Variants in KDM4C observed in about 807,000 individuals in gnomAD.
KDM4C encodes lysine-specific demethylase 4C.
Under a neutral mutation model 129.3 loss-of-function variants are expected in KDM4C, and 81 were observed. The observed-to-expected ratio is 0.63, with a 90% CI of 0.52 to 0.75. The LOEUF (loss-of-function observed/expected upper bound fraction) is 0.75. KDM4C is among the 30% of genes least tolerant of loss of function. The pLI, the probability that KDM4C is intolerant of heterozygous loss-of-function variation, is 0.00. For missense variants in KDM4C, 1,457 were observed against 1,304.0 expected (o/e 1.12, Z -1.81); for synonymous variants, 573 against 456.1 (o/e 1.26, Z -3.26).
chr9:6,995,348 C>G (rs531264555), intron 12 of KDM4C, among the ~76,000 whole-genome samples: 1 of 151,890 alleles, frequency 6.6e-6, no homozygotes, highest in Admixed American at 6.5e-5. Context: ...GACACACAGG[C>G]ACAGACACAC....
rs139293406 is a variant in KDM4C, at chr9:7,035,428, C to G, written c.2260-11434C>G. 1.3e-5 allele frequency among the ~76,000 whole-genome samples: 2 copies of G among 149,102 alleles called. 1 individual carries two copies. The highest frequency in any genetic ancestry group is 3.0e-5 in the Non-Finnish European group (2 of 67,288). ...TGAGTAGTTTGCAAATATTTTTTCC[C>G]ATTCTGTAGTTCTTCTTTTCACTCT... On this transcript the variant is annotated intron_variant, in intron 15 of 21. Coordinates refer to ENST00000381309, the MANE Select transcript of KDM4C (RefSeq NM_015061.6).
chr9:7,089,052 A>G (rs1650385588), intron 17 of KDM4C, among the ~76,000 whole-genome samples: 1 of 152,192 alleles, frequency 6.6e-6, no homozygotes, highest in African/African-American at 2.4e-5. Context: ...AAAAAAATCG[A>G]GATGAGTTAA....
intron 8 of KDM4C, among the ~76,000 whole-genome samples, chr9:6,948,672 G>T (rs1424789526): frequency 1.3e-5 from 2 of 151,708 alleles, no homozygotes; most frequent in East Asian, 3.9e-4. Context: ...TGAGATTAGG[G>T]AGTGGTGATG....
intron 18 of KDM4C, among the ~76,000 whole-genome samples, chr9:7,110,919 T>A (rs1465585890): frequency 6.6e-6 from 1 of 152,188 alleles, no homozygotes; most frequent in African/African-American, 2.4e-5. Context: ...TTTAGCCAGA[T>A]CATCAAAAAT....
intron 12 of KDM4C, among the ~76,000 whole-genome samples, chr9:7,010,572 A>G (rs974784317): frequency 1.3e-5 from 2 of 152,194 alleles, no homozygotes; most frequent in African/African-American, 2.4e-5. Flanking sequence ...ACTTATGCAG[A>G]TATTTAGAAT....
intron 4 of KDM4C, chr9:6,834,338 T>C (rs1014405533): frequency 8.3e-5 from 25 of 302,306 alleles, no homozygotes; most frequent in Non-Finnish European, 1.6e-4. Flanking sequence ...ATCTGGCCGA[T>C]AGTCTCTTTG....
At chr9:7,148,376 A>G (rs1043189002) in intron 19 of KDM4C, among the ~76,000 whole-genome samples, 1 of 152,002 alleles carries the variant, frequency 6.6e-6, no homozygotes, top group Admixed American at 6.6e-5. Flanking sequence ...TTTCAGTACC[A>G]CCACCCCACT....
At chr9:6,837,263 G>C (rs923023751) in intron 4 of KDM4C, among the ~76,000 whole-genome samples, 1 of 152,122 alleles carries the variant, frequency 6.6e-6, no homozygotes, top group Admixed American at 6.6e-5. Context: ...TCGCCATGGT[G>C]CCCAGGCTTA....
intron 1 of KDM4C, among the ~76,000 whole-genome samples, chr9:6,775,705 A>G (rs1822884260): frequency 6.6e-6 from 1 of 151,820 alleles, no homozygotes; most frequent in Non-Finnish European, 1.5e-5. Flanking sequence ...CATTTTTAGT[A>G]GAGACGGGGT....
intron 17 of KDM4C, among the ~76,000 whole-genome samples, chr9:7,089,379 C>T (rs997481956): frequency 5.9e-5 from 9 of 152,144 alleles, no homozygotes; most frequent in African/African-American, 1.9e-4. Flanking sequence ...GGATCGAGTT[C>T]TTCACAGTAT....
chr9:6,742,655 G>C (rs553316866), intron 1 of KDM4C, among the ~76,000 whole-genome samples: 1 of 140,778 alleles, frequency 7.1e-6, no homozygotes, highest in South Asian at 2.3e-4. Flanking sequence ...GATTCCTCAG[G>C]CTCCTTTATT....
At chr9:7,082,601 T>A (rs1477361068) in intron 17 of KDM4C, among the ~76,000 whole-genome samples, 1 of 152,184 alleles carries the variant, frequency 6.6e-6, no homozygotes, top group Non-Finnish European at 1.5e-5. Context: ...GCAGTCCTTT[T>A]CCTGTGAGAG....
intron 1 of KDM4C, among the ~76,000 whole-genome samples, chr9:6,741,266 G>A (rs1373221783): frequency 1.3e-5 from 2 of 151,776 alleles, no homozygotes; most frequent in Admixed American, 6.6e-5. Context: ...GTGGTGGTGC[G>A]TGCGTGTAGT....
chr9:6,775,969 A>G (rs1021908361), intron 1 of KDM4C, among the ~76,000 whole-genome samples: 2 of 152,226 alleles, frequency 1.3e-5, no homozygotes, highest in Admixed American at 6.5e-5. Flanking sequence ...GGCATTGCCA[A>G]TGTCTCAAGG....
chr9:6,919,223 C>CTTCT (rs1554643688), intron 8 of KDM4C, among the ~76,000 whole-genome samples: 7,358 of 109,072 alleles, frequency 0.067, 481 homozygotes, highest in East Asian at 0.22. Context: ...TTTCTTTTTC[C>CTTCT]TTCTTTCTTT....
intron 8 of KDM4C, among the ~76,000 whole-genome samples, chr9:6,898,254 A>T (rs1816776886): frequency 6.6e-6 from 1 of 152,200 alleles, no homozygotes. Context: ...AGCCTCAAGC[A>T]CTATGATTGT....
intron 8 of KDM4C, among the ~76,000 whole-genome samples, chr9:6,964,859 C>T (rs1830664899): frequency 6.7e-6 from 1 of 150,086 alleles, no homozygotes; most frequent in Non-Finnish European, 1.5e-5. Flanking sequence ...GAGGCTGAGG[C>T]AGGAGAATCA....
At chr9:7,108,633 G>C (rs1837973880) in intron 18 of KDM4C, among the ~76,000 whole-genome samples, 1 of 152,166 alleles carries the variant, frequency 6.6e-6, no homozygotes, top group Admixed American at 6.5e-5. Context: ...CTTAGGACAG[G>C]AGAGGACACC....
chr9:6,757,658 G>T (rs1818453021), upstream of KDM4C: 1 of 985,400 alleles, frequency 1.0e-6, no homozygotes, highest in South Asian at 4.7e-5. Context: ...GTGCGCGTCG[G>T]CGCCCAGGAG....
Sources: gnomAD v4.1 joint callset for allele counts (sites outside exome capture counted in the v4.1 genomes callset) on GRCh38, gnomAD v4.1.1 for gene constraint, MANE v1.5 for transcripts, NCBI Gene and HGNC (gene_info 2026-07-23, HGNC 2026-07-21) for gene names.